The following RPS13 variants were observed in gnomAD, a reference collection of about 807,000 sequenced individuals.
RPS13 encodes the protein ribosomal protein S13, also known as small ribosomal subunit protein uS15.
RPS13 carries 1 observed loss-of-function variant against 24.6 expected under a neutral mutation model. That is an observed-to-expected ratio of 0.04 (90% CI 0.01 to 0.19). The LOEUF (loss-of-function observed/expected upper bound fraction) is 0.19. Ranked by LOEUF, RPS13 falls within the 10% of genes least tolerant of loss-of-function variation. The pLI, the probability that RPS13 is intolerant of heterozygous loss-of-function variation, is 1.00. For synonymous variants in RPS13, 69 were observed against 65.3 expected (o/e 1.06, Z -0.27); for missense variants, 88 against 187.4 (o/e 0.47, Z 3.10).
chr11:17,075,230 C>T (rs369519354), intron 4 of RPS13, 33 bp from the exon 5 acceptor site: 2 of 1,473,808 alleles, frequency 1.4e-6, no homozygotes, highest in Non-Finnish European at 9.3e-7. Context: ...TTCAAGAAAA[C>T]CACCCAAAAT....
intron 3 of RPS13, 124 bp from the exon 4 acceptor site, chr11:17,075,747 C>G (rs1428731927): frequency 1.3e-6 from 1 of 768,754 alleles, no homozygotes; most frequent in Non-Finnish European, 2.2e-6. Flanking sequence ...TTTTATACAT[C>G]ACAGAAACCA....
At chr11:17,077,338 T>A in intron 2 of RPS13, 91 bp downstream of exon 2, 11 of 1,579,852 alleles carry the variant, frequency 7.0e-6, no homozygotes, top group Non-Finnish European at 9.6e-6. Context: ...GCGCTCCTCA[T>A]ACACGCAAGT....
At position 17,074,989 on chromosome 11, in the gene RPS13, TGA is replaced by T. The variant is rs916323232; in HGVS notation, c.422+106_422+107del. On this transcript the variant is annotated intron_variant, in intron 5 of 5. Transcript: ENST00000525634. ...CAGTTAACAAAATAGCCCCCAAGGC[TGA>T]ACATATTTACTACTAGCCCCCAAGG... 7.8e-6 allele frequency: 6 copies of T among 766,150 alleles called. No homozygotes were observed. In the African/African-American group the frequency reaches 1.0e-4, roughly 13 times the overall value. The allele number at this position is 766,150 out of a possible 1,614,324, so 47.5% of individuals were successfully genotyped here.
chr11:17,077,579 A>ACCCCCCCCCC, intron 1 of RPS13, 40 bp downstream of exon 1: 2 of 487,336 alleles, frequency 4.1e-6, no homozygotes, highest in South Asian at 1.6e-5. Context: ...TCTTCCTCCC[A>ACCCCCCCCCC]CCCCCCGCCC....
intron 5 of RPS13, chr11:17,074,814 AAAAG>A: frequency 1.5e-6 from 1 of 658,634 alleles, no homozygotes; most frequent in African/African-American, 1.8e-5. Flanking sequence ...CCTACTATCT[AAAAG>A]AGAGTCAAAG....
chr11:17,076,628 G>A lies in RPS13; in HGVS notation c.151+540C>T, dbSNP rs1398564100. 3 of 375,482 alleles carry A rather than the reference G, an allele frequency of 8.0e-6. No homozygotes were observed. The Admixed American group carries it at 1.1e-4, about 13-fold the overall frequency. The allele number at this position is 375,482 out of a possible 1,614,324, so 23.3% of individuals were successfully genotyped here. On this transcript the variant is annotated intron_variant, in intron 3 of 5. Coordinates refer to ENST00000525634, the MANE Select transcript of RPS13 (RefSeq NM_001017.3). ...AGTGGCTTCATCATAGCTCACTGCA[G>A]CCTGGGACTTCTAGGCTCTGGTGAT...
chr11:17,075,889 C>A (rs1265693541), intron 3 of RPS13: 4 of 581,368 alleles, frequency 6.9e-6, no homozygotes, highest in Non-Finnish European at 1.3e-5. Context: ...ATACAGATGA[C>A]CAAAGGGATT....
rs1848008173 is a variant in RPS13 at position 17,075,211 on chromosome 11, T to G, written c.322-14A>C. ...AGCATCCTTATCCTAAAAATAAAAT[T>G]TGGTGCAATTCAAGAAAACCACCCA... On this transcript the variant is annotated splice_polypyrimidine_tract_variant and intron_variant, in intron 4 of 5. Coordinates refer to ENST00000525634, the MANE Select transcript of RPS13 (RefSeq NM_001017.3). The G allele has an allele frequency of 6.4e-7, 1 of 1,572,748 alleles. No homozygotes were observed. The highest frequency in any genetic ancestry group is 8.6e-7 in the Non-Finnish European group (1 of 1,160,114).
At position 17,077,173 on chromosome 11, in the gene RPS13, T is replaced by C; in HGVS notation, c.146A>G (p.Gln49Arg). ...KLAKKGLTPS[Q>R]IGVILRDSHG... ...TGTTAGACACAAACACTCACCGATC[T>C]GTGAAGGAGTAAGGCCCTTCTTGGC... The change falls in exon 3 of 6, where the codon CAG (glutamine) becomes CGG (arginine). Residue 49 changes from glutamine to arginine, a missense_variant. Physicochemically the swap from Gln to Arg is conservative, Grantham distance 43. Transcript: ENST00000525634. The C allele has an allele frequency of 1.2e-6, 2 of 1,611,460 alleles. No homozygotes were observed. Among genetic ancestry groups the C allele is most frequent in the South Asian group, 1.1e-5 (1 of 91,020 alleles).
At chr11:17,076,044 A>G (rs1375566942) in intron 3 of RPS13, 1 of 306,906 alleles carries the variant, frequency 3.3e-6, no homozygotes, top group African/African-American at 2.2e-5. Flanking sequence ...CATACCTCCA[A>G]TTAGACTACA....
At position 17,075,170 on chromosome 11, in the gene RPS13, G is replaced by A. The variant is rs1848007684; in HGVS notation, c.349C>T (p.Leu117=). 3 of 1,604,892 alleles carry A rather than the reference G, an allele frequency of 1.9e-6. No individual in the cohort carries two copies. The highest frequency in any genetic ancestry group is 2.5e-6 in the Non-Finnish European group (3 of 1,177,566). ...AAACGGTGAATCCGGCTCTCTATTA[G>A]AATCAGACGGAATTTAGCATCCTTA... is the stretch of plus-strand genomic sequence containing the variant. ...KDKDAKFRLI[L]IESRIHRLAR... is the part of the protein sequence containing the mutation. Residue 117 remains leucine, a synonymous_variant, in exon 5 of 6, where the codon CTA becomes TTA. Transcript: ENST00000525634.
At chr11:17,077,527 G>A in intron 1 of RPS13, 50 bp from the exon 2 acceptor site, 1 of 1,613,058 alleles carries the variant, frequency 6.2e-7, no homozygotes, top group Non-Finnish European at 8.5e-7. Context: ...TGCCAGAGCA[G>A]CCCAGAACAT....
rs766479324 is a variant in RPS13, at chr11:17,077,196, G to C, written c.123C>G (p.Ala41=). ...DDVKEQIYKL[A]KKGLTPSQIG... ...TCTGTGAAGGAGTAAGGCCCTTCTT[G>C]GCCAGTTTGTAAATCTGCTCCTTCA... Residue 41 remains alanine (A), a synonymous_variant, in exon 3 of 6, where the codon GCC becomes GCG. Coordinates refer to ENST00000525634, the MANE Select transcript of RPS13 (RefSeq NM_001017.3). 1 of 1,613,610 alleles carries C rather than the reference G, an allele frequency of 6.2e-7. No individual in the cohort carries two copies. Among genetic ancestry groups the C allele is most frequent in the Middle Eastern group, 1.6e-4 (1 of 6,062 alleles).
At position 17,075,618 on chromosome 11, in the gene RPS13, T is replaced by G. The variant is rs1848013555; in HGVS notation, c.157A>C (p.Ile53Leu). 3.8e-6 allele frequency: 6 copies of G among 1,595,954 alleles called. No individual in the cohort carries two copies. The East Asian group carries it at 1.3e-4, about 36-fold the overall frequency. ...GCAACACCATGTGAATCTCTCAGGA[T>G]TACACCTGAAAAGGGAATCACGTTT... ...KGLTPSQIGV[I>L]LRDSHGVAQV... Residue 53 changes from isoleucine to leucine, a missense_variant, in exon 4 of 6, where the codon ATC becomes CTC. Transcript: ENST00000525634.
Position 17,077,622 on chromosome 11 carries a change from G to A in RPS13, c.20C>T (p.Pro7Leu), listed in dbSNP as rs779432616. MGRMHA[P>L]GKGLSQSALP... is the part of the protein sequence containing the mutation. ...CGGCTTGATGCCCCGAGCTCACCCG[G>A]GAGCATGCATGCGACCCATGATGGC... The change falls in exon 1 of 6, where the codon CCC becomes CTC. Residue 7 changes from proline to leucine, a missense_variant. Physicochemically the swap from Pro to Leu is moderately conservative, Grantham distance 98. Coordinates refer to ENST00000525634, the MANE Select transcript of RPS13 (RefSeq NM_001017.3). The A allele has an allele frequency of 1.9e-6, 3 of 1,608,394 alleles. No individual in the cohort carries two copies. The highest frequency in any genetic ancestry group is 1.7e-5 in the Admixed American group (1 of 58,874).
Position 17,077,175 on chromosome 11 carries a change from T to C in RPS13, c.144A>G (p.Ser48=). Reference sequence around the variant, plus strand: ...TTAGACACAAACACTCACCGATCTGTGAAGGAGTAAGGCCCTTCTTGGCCA... The same window carrying C: ...TTAGACACAAACACTCACCGATCTGCGAAGGAGTAAGGCCCTTCTTGGCCA... ...YKLAKKGLTP[S]QIGVILRDSH... is the part of the protein sequence containing the mutation. The change falls in exon 3 of 6, where the codon TCA becomes TCG. Residue 48 remains serine (S), a synonymous_variant. Transcript: ENST00000525634. The C allele has an allele frequency of 6.2e-7, 1 of 1,612,418 alleles. No individual in the cohort carries two copies. The highest frequency in any genetic ancestry group is 8.5e-7 in the Non-Finnish European group (1 of 1,178,570).
intron 4 of RPS13, 107 bp downstream of exon 4, chr11:17,075,347 G>C: frequency 1.9e-6 from 2 of 1,043,426 alleles, no homozygotes; most frequent in Non-Finnish European, 2.8e-6. Flanking sequence ...CACTACACTG[G>C]TTTGTGTACT....
Position 17,075,633 on chromosome 11 carries a change from G to A in RPS13, c.152-10C>T. 1 of 1,585,642 alleles carries A rather than the reference G, an allele frequency of 6.3e-7. No homozygotes were observed. Among genetic ancestry groups the A allele is most frequent in the Non-Finnish European group, 8.5e-7 (1 of 1,169,678 alleles). On this transcript the variant is annotated splice_polypyrimidine_tract_variant and intron_variant, in intron 3 of 5. Transcript: ENST00000525634. ...TCTCTCAGGATTACACCTGAAAAGG[G>A]AATCACGTTTTAACTTTCAACACGA... is the stretch of plus-strand genomic sequence containing the variant.
rs770046889 is a variant in RPS13 at position 17,075,078 on chromosome 11, C to CA, written c.422+18dup. On this transcript the variant is annotated intron_variant, in intron 5 of 5. Transcript: ENST00000525634. ...TGACTCCTATTCTTGATAACAACGA[C>CA]AAAAGAGTTGATACTTACTATTTCC... is the stretch of plus-strand genomic sequence containing the variant. 7.2e-6 allele frequency: 11 copies of CA among 1,532,350 alleles called. No homozygotes were observed. The highest frequency in any genetic ancestry group is 8.9e-6 in the Non-Finnish European group (10 of 1,117,658). The allele number at this position is 1,532,350 out of a possible 1,614,324, so 94.9% of individuals were successfully genotyped here.
Sources: gnomAD v4.1 joint callset for allele counts on GRCh38, gnomAD v4.1.1 for gene constraint, MANE v1.5 for transcripts, NCBI Gene and HGNC (gene_info 2026-07-23, HGNC 2026-07-21) for gene names.